COL14A1: variants seen among roughly 807,000 people sequenced by gnomAD.
The protein encoded by COL14A1 is collagen type XIV alpha 1 chain, also known as collagen alpha-1(XIV) chain.
COL14A1 carries 136 observed loss-of-function variants against 230.3 expected under a neutral mutation model. The observed-to-expected ratio is 0.59, with a 90% CI of 0.51 to 0.68. The LOEUF (loss-of-function observed/expected upper bound fraction) is 0.68. COL14A1 is among the 30% of genes least tolerant of loss of function. The pLI is 0.00. For synonymous variants in COL14A1, 792 were observed against 784.1 expected (o/e 1.01, Z -0.17); for missense variants, 1,976 against 2,215.8 (o/e 0.89, Z 2.17).
intron 14 of COL14A1, among the ~76,000 whole-genome samples, chr8:120,218,801 T>C (rs1056785024): frequency 2.0e-5 from 3 of 152,148 alleles, no homozygotes; most frequent in Non-Finnish European, 4.4e-5. Flanking sequence ...CTTCTACTTA[T>C]TGCTGCTCGA....
chr8:120,203,752 T>G lies in COL14A1; in HGVS notation c.921T>G (p.Ser307=), dbSNP rs2305600. The change falls in exon 9 of 48, where the codon TCT becomes TCG. Residue 307 remains serine, a synonymous_variant. Coordinates refer to ENST00000297848, the MANE Select transcript of COL14A1 (RefSeq NM_021110.4). Reference sequence around the variant, plus strand: ...TGAATGAGCTGCAGGAGATCGCCTCTGAACCAGACAGCACTCATGTGTACA... The same window carrying G: ...TGAATGAGCTGCAGGAGATCGCCTCGGAACCAGACAGCACTCATGTGTACA... ...ADVNELQEIA[S]EPDSTHVYNV... 1.2e-6 allele frequency: 2 copies of G among 1,613,396 alleles called. No individual in the cohort carries two copies. The highest frequency in any genetic ancestry group is 1.1e-5 in the South Asian group (1 of 91,042).
intron 5 of COL14A1, among the ~76,000 whole-genome samples, chr8:120,170,815 A>G (rs1051903589): frequency 1.3e-5 from 2 of 152,048 alleles, no homozygotes; most frequent in Non-Finnish European, 2.9e-5. Context: ...ATATAGCTAT[A>G]CCACCTTTAT....
At chr8:120,362,165 G>T (rs1412250593) in intron 45 of COL14A1, among the ~76,000 whole-genome samples, 16 of 152,208 alleles carry the variant, frequency 1.1e-4, no homozygotes, top group Admixed American at 1.0e-3. Flanking sequence ...GTTGAGCACA[G>T]AGGCTTCTGT....
chr8:120,231,525 G>C lies in COL14A1; in HGVS notation c.2256G>C (p.Arg752=), dbSNP rs904812356. Residue 752 remains arginine (R), a synonymous_variant, in exon 19 of 48, where the codon CGG becomes CGC. Transcript: ENST00000297848. ...GTGATGAAACTACTTCTAGCCTGCGGGTAAAATGGGACATTTCTGACAGCG... is the reference window on the plus strand; with the variant it reads ...GTGATGAAACTACTTCTAGCCTGCGCGTAAAATGGGACATTTCTGACAGCG... ...VVGDETTSSL[R]VKWDISDSDV... is the part of the protein sequence containing the mutation. The C allele has an allele frequency of 1.9e-6, 3 of 1,614,018 alleles. No homozygotes were observed. The African/African-American group carries it at 4.0e-5, about 22-fold the overall frequency.
chr8:120,186,405 C>T lies in COL14A1; in HGVS notation c.437-10386C>T, dbSNP rs1816652447. 2.0e-5 allele frequency among the ~76,000 whole-genome samples: 3 copies of T among 152,266 alleles called. No homozygotes were observed. The South Asian group carries it at 6.2e-4, about 32-fold the overall frequency. The stretch of plus-strand genomic sequence containing the variant: ...GTGGCCACAGTATTCCTTCAAATGT[C>T]TTGTGTAATGAATGGCTGAGGCTGA... On this transcript the variant is annotated intron_variant, in intron 5 of 47. Coordinates refer to ENST00000297848, the MANE Select transcript of COL14A1 (RefSeq NM_021110.4).
chr8:120,133,307 GA>G (rs1300445755), intron 1 of COL14A1, among the ~76,000 whole-genome samples: 1 of 150,502 alleles, frequency 6.6e-6, no homozygotes, highest in Non-Finnish European at 1.5e-5. Flanking sequence ...TATAAAACTG[GA>G]AAAAATAATA....
Position 120,289,756 on chromosome 8 carries a change from ACT to A in COL14A1, c.4229_4230del (p.Ser1410CysfsTer9). 6.2e-7 allele frequency: 1 copy of A among 1,612,788 alleles called. No homozygotes were observed. Among genetic ancestry groups the A allele is most frequent in the Non-Finnish European group, 8.5e-7 (1 of 1,179,476 alleles). ...GTTCGATCAAGAGGACCAGGTGGAA[ACT>A]CTGCACCGGTAAGTGAATAAACCCG... is the stretch of plus-strand genomic sequence containing the variant. On this transcript the variant is annotated frameshift_variant, in exon 34 of 48. Transcript: ENST00000297848. LOFTEE classifies it high-confidence loss of function.
rs1048723951 is a variant in COL14A1, at chr8:120,141,752, A to G, written c.-37-6054A>G. ...TGCTTCAAAACACTTGGATGCAGGA[A>G]CTGCTTTGATGAGAATAGAGAAAGG... is the stretch of plus-strand genomic sequence containing the variant. On this transcript the variant is annotated intron_variant, in intron 1 of 47. Transcript: ENST00000297848. Among the ~76,000 whole-genome samples, 3 of 152,254 alleles carry G rather than the reference A, an allele frequency of 2.0e-5. No homozygotes were observed. The East Asian group carries it at 5.8e-4, about 29-fold the overall frequency.
rs1388021087 is a variant in COL14A1, at chr8:120,230,888, C to T, written c.2198-579C>T. ...GAGCAGGCACCTTGAGAGATGAGCA[C>T]GAATGTGCCAGGAAACACAGGTAAA... On this transcript the variant is annotated intron_variant, in intron 18 of 47. Transcript: ENST00000297848. Among the ~76,000 whole-genome samples, 5 of 152,052 alleles carry T rather than the reference C, an allele frequency of 3.3e-5. No individual in the cohort carries two copies. The East Asian group carries it at 9.6e-4, about 29-fold the overall frequency.
chr8:120,257,812 T>C (rs1423696348), intron 23 of COL14A1, among the ~76,000 whole-genome samples: 2 of 152,236 alleles, frequency 1.3e-5, no homozygotes, highest in Non-Finnish European at 1.5e-5. Context: ...TCTTTCTGAA[T>C]GCCTCCGTCA....
chr8:120,198,022 T>A (rs1817101105), intron 7 of COL14A1, 92 bp downstream of exon 7: 2 of 1,288,550 alleles, frequency 1.6e-6, no homozygotes, highest in East Asian at 5.0e-5. Flanking sequence ...GTTATCATAA[T>A]GTTTTAATTA....
At chr8:120,315,886 C>T (rs374787179) in intron 39 of COL14A1, 58 bp from the exon 40 acceptor site, 244 of 1,562,548 alleles carry the variant, frequency 1.6e-4, no homozygotes, top group Non-Finnish European at 1.9e-4. Context: ...AGGGAAGCTG[C>T]GTGAGCAGAT....
At chr8:120,344,071 C>T (rs1822411385) in intron 44 of COL14A1, among the ~76,000 whole-genome samples, 1 of 152,084 alleles carries the variant, frequency 6.6e-6, no homozygotes. Context: ...TGATTGACTT[C>T]TAGGAAGTAG....
intron 22 of COL14A1, 47 bp downstream of exon 22, chr8:120,250,813 T>A (rs756270599): frequency 1.2e-6 from 2 of 1,605,430 alleles, no homozygotes; most frequent in East Asian, 4.5e-5. Flanking sequence ...GTTTTTGTTT[T>A]GTTTTGTTTT....
At chr8:120,203,602 T>C in intron 8 of COL14A1, 107 bp from the exon 9 acceptor site, 1 of 860,780 alleles carries the variant, frequency 1.2e-6, no homozygotes, top group Non-Finnish European at 1.7e-6. Flanking sequence ...CAGATGATGC[T>C]TTGACTGCAG....
chr8:120,250,668 T>C lies in COL14A1; in HGVS notation c.2654T>C (p.Leu885Pro). Residue 885 changes from leucine (L) to proline (P), a missense_variant, in exon 22 of 48, where the codon CTT (leucine) becomes CCT (proline). Around this residue, in one of 3 missense-constraint regions of COL14A1, gnomAD observed 1,791 missense variants for 2,019.5 expected, o/e 0.89. Coordinates refer to ENST00000297848, the MANE Select transcript of COL14A1 (RefSeq NM_021110.4). ...GTGGGAGCTGACATTAACACCATCC[T>C]TATCACAAACCTCCTCAGCGGAATG... ...TFVGADINTI[L>P]ITNLLSGMDY... The C allele has an allele frequency of 6.2e-7, 1 of 1,614,254 alleles. No individual in the cohort carries two copies.
intron 3 of COL14A1, among the ~76,000 whole-genome samples, chr8:120,160,553 T>C (rs77730519): frequency 0.025 from 3,819 of 152,266 alleles, 55 homozygotes; most frequent in African/African-American, 0.039. Context: ...TCTCCCATGA[T>C]AAAATAAAAA....
chr8:120,207,006 G>A lies in COL14A1; in HGVS notation c.1103G>A (p.Ser368Asn). The part of the protein sequence containing the change: ...ELITSEVTAR[S>N]FMVNWTHAPG... Reference sequence around the variant, plus strand: ...ATTACTTCTGAAGTCACTGCCAGAAGCTTTATGGTTAACTGGACTCATGCC... The same window carrying A: ...ATTACTTCTGAAGTCACTGCCAGAAACTTTATGGTTAACTGGACTCATGCC... The change falls in exon 10 of 48, where the codon AGC (serine) becomes AAC (asparagine). Residue 368 changes from serine to asparagine, a missense_variant. Physicochemically the swap from Ser to Asn is conservative, Grantham distance 46. Coordinates refer to ENST00000297848, the MANE Select transcript of COL14A1 (RefSeq NM_021110.4). The A allele has an allele frequency of 1.2e-6, 2 of 1,613,888 alleles. No homozygotes were observed. Among genetic ancestry groups the A allele is most frequent in the Non-Finnish European group, 1.7e-6 (2 of 1,179,924 alleles).
At chr8:120,162,327 T>C in intron 3 of COL14A1, 99 bp from the exon 4 acceptor site, 1 of 953,288 alleles carries the variant, frequency 1.0e-6, no homozygotes, top group Non-Finnish European at 1.5e-6. Context: ...AAAAAATGCC[T>C]TTACTGTTTA....
Sources: gnomAD v4.1 joint callset for allele counts (sites outside exome capture counted in the v4.1 genomes callset) on GRCh38, gnomAD v4.1.1 for gene constraint, gnomAD v4.1.1 regional missense constraint, MANE v1.5 for transcripts, NCBI Gene and HGNC (gene_info 2026-07-23, HGNC 2026-07-21) for gene names.